The following ADAM12 variants were observed in gnomAD, a reference collection of about 807,000 sequenced individuals.
The protein encoded by ADAM12 is disintegrin and metalloproteinase domain-containing protein 12.
In ADAM12, 70 loss-of-function variants were observed where a neutral mutation model predicts 106.4. The ratio of observed to expected loss-of-function variants is 0.66; its 90% CI spans 0.54 to 0.80. ADAM12 has a LOEUF of 0.80. Among genes scored for constraint, ADAM12 ranks in the 30% least tolerant of loss-of-function variants. The pLI, the probability that ADAM12 is intolerant of heterozygous loss-of-function variation, is 0.00. For synonymous variants in ADAM12, 420 were observed against 433.5 expected (o/e 0.97, Z 0.39); for missense variants, 1,010 against 1,171.9 (o/e 0.86, Z 2.02).
rs1298106162 is a variant in ADAM12 at position 126,338,321 on chromosome 10, C to T, written c.89-7812G>A. On this transcript the variant is annotated intron_variant, in intron 1 of 22. Coordinates refer to ENST00000448723, the MANE Select transcript of ADAM12 (RefSeq NM_001288973.2). ...AGGCTGGAGTGCAGTGGCGGGATCTCGGCTCACTGCAAGCTCCGCCTCCCG... is the reference window on the plus strand; with the variant it reads ...AGGCTGGAGTGCAGTGGCGGGATCTTGGCTCACTGCAAGCTCCGCCTCCCG... 3.0e-5 allele frequency among the ~76,000 whole-genome samples: 4 copies of T among 133,120 alleles called. No individual in the cohort carries two copies. The East Asian group carries it at 7.1e-4, about 24-fold the overall frequency. The allele number at this position is 133,120 out of a possible 152,430, so 87.3% of individuals were successfully genotyped here. A position where few individuals can be genotyped will look rare whatever the true frequency, so the allele number is the denominator to read the frequency against.
At chr10:126,247,208 A>G (rs1419839005) in intron 3 of ADAM12, among the ~76,000 whole-genome samples, 3 of 152,244 alleles carry the variant, frequency 2.0e-5, no homozygotes, top group African/African-American at 7.2e-5. Context: ...TAAAACATGA[A>G]GGCCATTGCT....
intron 8 of ADAM12, among the ~76,000 whole-genome samples, chr10:126,101,863 A>G (rs1053633355): frequency 5.9e-5 from 9 of 152,166 alleles, no homozygotes; most frequent in Non-Finnish European, 1.3e-4. Context: ...TATCCTCCCC[A>G]CAGCCAGAAG....
chr10:126,234,438 C>T (rs1958375035), intron 3 of ADAM12, among the ~76,000 whole-genome samples: 1 of 152,194 alleles, frequency 6.6e-6, no homozygotes, highest in South Asian at 2.1e-4. Context: ...TATACAAATG[C>T]AGATTAACGC....
intron 11 of ADAM12, among the ~76,000 whole-genome samples, chr10:126,093,746 C>A (rs967561276): frequency 2.0e-5 from 3 of 152,242 alleles, no homozygotes; most frequent in Non-Finnish European, 4.4e-5. Flanking sequence ...CCATGCCCAC[C>A]ATTCCTCAAG....
chr10:126,169,075 A>G (rs1478404341), intron 3 of ADAM12, among the ~76,000 whole-genome samples: 1 of 152,020 alleles, frequency 6.6e-6, no homozygotes, highest in Non-Finnish European at 1.5e-5. Flanking sequence ...AAAAAGCAAA[A>G]AACACATTCC....
rs1856746649 is a variant in ADAM12 at position 126,388,177 on chromosome 10, G to A, written c.-32C>T. On this transcript the variant is annotated 5_prime_UTR_variant, in exon 1 of 23. Coordinates refer to ENST00000448723, the MANE Select transcript of ADAM12 (RefSeq NM_001288973.2). The surrounding 1 kb of genome is among the most constrained non-coding windows in gnomAD (Gnocchi z 4.4). ...CGGCCTTCAGTGCAGCAGCTCTCGG[G>A]CCCGGCGGCGAGCGCTGCACCATCC... 8.3e-7 allele frequency: 1 copy of A among 1,203,566 alleles called. No homozygotes were observed. The highest frequency in any genetic ancestry group is 3.5e-5 in the East Asian group (1 of 28,926). 74.6% of individuals were successfully genotyped at this position (1,203,566 alleles called of 1,614,324 possible).
At chr10:126,342,076 G>C (rs1192183524) in intron 1 of ADAM12, among the ~76,000 whole-genome samples, 2 of 152,202 alleles carry the variant, frequency 1.3e-5, no homozygotes, top group African/African-American at 2.4e-5. Flanking sequence ...CCCGACAGCA[G>C]GAATGTTCAT....
intron 3 of ADAM12, among the ~76,000 whole-genome samples, chr10:126,169,733 C>T (rs956695674): frequency 6.6e-6 from 1 of 152,164 alleles, no homozygotes; most frequent in Non-Finnish European, 1.5e-5. Flanking sequence ...ATATACTTTA[C>T]AAGATACATC....
intron 3 of ADAM12, among the ~76,000 whole-genome samples, chr10:126,211,133 C>A (rs554551008): frequency 3.3e-5 from 5 of 152,240 alleles, no homozygotes; most frequent in Admixed American, 3.3e-4. Flanking sequence ...CCATTTGCAA[C>A]CACAGGGTGT....
intron 18 of ADAM12, 100 bp from the exon 19 acceptor site, chr10:126,039,529 C>G: frequency 6.9e-7 from 1 of 1,456,610 alleles, no homozygotes; most frequent in South Asian, 1.2e-5. Context: ...TCTGAAGCAA[C>G]AGAAATGAAG....
At chr10:126,031,158 C>G (rs908025448) in intron 21 of ADAM12, among the ~76,000 whole-genome samples, 4 of 152,140 alleles carry the variant, frequency 2.6e-5, no homozygotes, top group Admixed American at 6.5e-5. Flanking sequence ...CTCACCAGCA[C>G]CTTTACCAGT....
At chr10:126,181,677 A>G (rs1482722701) in intron 3 of ADAM12, among the ~76,000 whole-genome samples, 1 of 152,198 alleles carries the variant, frequency 6.6e-6, no homozygotes, top group African/African-American at 2.4e-5. Context: ...GAGGAAGGAG[A>G]GAGGCAGAAG....
intron 21 of ADAM12, among the ~76,000 whole-genome samples, chr10:126,021,313 A>C (rs184485077): frequency 1.7e-4 from 26 of 152,358 alleles, no homozygotes; most frequent in Non-Finnish European, 3.4e-4. Context: ...CAATGATTTC[A>C]AACACTTGAG....
At chr10:126,267,313 G>C (rs1590707706) in intron 3 of ADAM12, among the ~76,000 whole-genome samples, 1 of 152,130 alleles carries the variant, frequency 6.6e-6, no homozygotes, top group Non-Finnish European at 1.5e-5. Context: ...CCAGGGGTGG[G>C]GGCAGGGGAT....
chr10:126,305,870 G>A lies in ADAM12; in HGVS notation c.186+24542C>T, dbSNP rs533938192. ...TCTTAAATCGACTATATTTAATATTGTTACAGCTGGTCAGCTTCATTTTGA... is the reference window on the plus strand; with the variant it reads ...TCTTAAATCGACTATATTTAATATTATTACAGCTGGTCAGCTTCATTTTGA... On this transcript the variant is annotated intron_variant, in intron 2 of 22. Coordinates refer to ENST00000448723, the MANE Select transcript of ADAM12 (RefSeq NM_001288973.2). Among the ~76,000 whole-genome samples the A allele has an allele frequency of 1.6e-4, 24 of 152,014 alleles. 1 individual carries two copies. The highest frequency in any genetic ancestry group is 5.5e-4 in the African/African-American group (23 of 41,528).
At position 126,374,486 on chromosome 10, in the gene ADAM12, T is replaced by C. The variant is rs187588623; in HGVS notation, c.88+13572A>G. Reference sequence around the variant, plus strand: ...AAGATAATAAAAGATAATTTTAAAATATTACATTTTAAGAAGATCAGGCAA... The same window carrying C: ...AAGATAATAAAAGATAATTTTAAAACATTACATTTTAAGAAGATCAGGCAA... On this transcript the variant is annotated intron_variant, in intron 1 of 22. Transcript: ENST00000448723. Among the ~76,000 whole-genome samples the C allele has an allele frequency of 2.0e-3, 311 of 152,260 alleles. 2 individuals carry two copies. Among genetic ancestry groups the C allele is most frequent in the African/African-American group, 7.2e-3 (298 of 41,556 alleles).
intron 1 of ADAM12, among the ~76,000 whole-genome samples, chr10:126,362,195 A>G (rs10901602): frequency 0.04 from 6,164 of 152,264 alleles, 423 homozygotes; most frequent in African/African-American, 0.14. Flanking sequence ...AAAGTCCAAC[A>G]TAAATAATCA....
At chr10:126,090,756 C>G (rs980938463) in intron 11 of ADAM12, 5 of 152,346 alleles carry the variant, frequency 3.3e-5, no homozygotes, top group Admixed American at 6.5e-5. Flanking sequence ...CTTGTATTTA[C>G]AGGCCTCAGG....
At chr10:126,037,597 T>C (rs893787241) in intron 20 of ADAM12, among the ~76,000 whole-genome samples, 2 of 152,240 alleles carry the variant, frequency 1.3e-5, no homozygotes, top group South Asian at 4.1e-4. Context: ...TCAAGAATTC[T>C]TGTGGGTACA....
Sources: gnomAD v4.1 joint callset for allele counts (sites outside exome capture counted in the v4.1 genomes callset) on GRCh38, gnomAD v4.1.1 for gene constraint, Gnocchi (gnomAD v3.1) non-coding constraint, MANE v1.5 for transcripts, NCBI Gene and HGNC (gene_info 2026-07-23, HGNC 2026-07-21) for gene names.